Variants in STAG1 observed in about 807,000 individuals in gnomAD.
The protein encoded by STAG1 is STAG1 cohesin complex component.
Under a neutral mutation model 170.9 loss-of-function variants are expected in STAG1, and 26 were observed. The ratio of observed to expected loss-of-function variants is 0.15; its 90% CI spans 0.11 to 0.21. The LOEUF is 0.21. STAG1 is among the 10% of genes least tolerant of loss of function. The pLI is 1.00. For missense variants in STAG1, 964 were observed against 1,509.5 expected (o/e 0.64, Z 5.99); for synonymous variants, 514 against 497.7 (o/e 1.03, Z -0.44).
intron 13 of STAG1, among the ~76,000 whole-genome samples, chr3:136,461,638 T>C (rs2089277471): frequency 6.7e-6 from 1 of 148,872 alleles, no homozygotes; most frequent in Non-Finnish European, 1.5e-5. Context: ...CTTAAGAATA[T>C]TAGTCTGGGT....
chr3:136,493,707 A>T (rs1439849825), intron 9 of STAG1, among the ~76,000 whole-genome samples: 3 of 151,814 alleles, frequency 2.0e-5, no homozygotes, highest in Admixed American at 6.6e-5. Context: ...AACATAAATC[A>T]AGGAAATAAA....
At chr3:136,574,893 AT>A (rs1317697054) in intron 4 of STAG1, among the ~76,000 whole-genome samples, 5 of 152,232 alleles carry the variant, frequency 3.3e-5, no homozygotes, top group Non-Finnish European at 5.9e-5. Context: ...AAACAAGAAT[AT>A]TCACCAAAAT....
chr3:136,597,185 A>G (rs1005204072), intron 4 of STAG1, among the ~76,000 whole-genome samples: 6 of 152,230 alleles, frequency 3.9e-5, no homozygotes, highest in Non-Finnish European at 7.3e-5. Context: ...AAAGCAATGA[A>G]AAAAATATTC....
intron 14 of STAG1, 57 bp from the exon 15 acceptor site, chr3:136,443,461 C>G (rs2088689249): frequency 8.4e-7 from 1 of 1,186,368 alleles, no homozygotes; most frequent in Non-Finnish European, 1.2e-6. Flanking sequence ...ACTACTAATA[C>G]TAATTTGAGT....
intron 9 of STAG1, among the ~76,000 whole-genome samples, chr3:136,494,668 A>T (rs183033261): frequency 1.3e-5 from 2 of 152,316 alleles, no homozygotes; most frequent in African/African-American, 4.8e-5. Context: ...AATATAATAA[A>T]AGAAAAAACC....
At chr3:136,356,648 C>T (rs904154297) in intron 28 of STAG1, among the ~76,000 whole-genome samples, 1 of 152,182 alleles carries the variant, frequency 6.6e-6, no homozygotes, top group African/African-American at 2.4e-5. Context: ...TCCTTACAGG[C>T]GTGAATCACT....
intron 2 of STAG1, among the ~76,000 whole-genome samples, chr3:136,625,794 T>G (rs1940066445): frequency 6.6e-6 from 1 of 152,234 alleles, no homozygotes; most frequent in Non-Finnish European, 1.5e-5. Context: ...TACACACCGC[T>G]GCCAGTAATA....
At chr3:136,751,159 T>TA (rs1295444764) in intron 1 of STAG1, among the ~76,000 whole-genome samples, 9 of 151,290 alleles carry the variant, frequency 5.9e-5, no homozygotes, top group Admixed American at 4.0e-4. Flanking sequence ...AATTTTTTTT[T>TA]ATGACAAATT....
At position 136,367,078 on chromosome 3, in the gene STAG1, A is replaced by G. The variant is rs755162183; in HGVS notation, c.2550T>C (p.Gly850=). ...DQDEENQSME[G]DEEDEANKIE... ...TTTTATTAGCTTCATCTTCTTCATC[A>G]CCCTCTAAACACAGATTACAAATTG... Residue 850 remains glycine, a synonymous_variant, in exon 25 of 34, where the codon GGT becomes GGC. Coordinates refer to ENST00000383202, the MANE Select transcript of STAG1 (RefSeq NM_005862.3). 1.4e-5 allele frequency: 23 copies of G among 1,607,622 alleles called. No individual in the cohort carries two copies. Among genetic ancestry groups the G allele is most frequent in the South Asian group, 1.3e-4 (12 of 90,532 alleles).
chr3:136,354,230 G>C (rs1009423653), intron 28 of STAG1, among the ~76,000 whole-genome samples: 2 of 152,180 alleles, frequency 1.3e-5, no homozygotes, highest in African/African-American at 2.4e-5. Flanking sequence ...AAGGAGGAAG[G>C]AAATGGATTT....
intron 7 of STAG1, among the ~76,000 whole-genome samples, chr3:136,515,122 T>C (rs1428127335): frequency 6.6e-6 from 1 of 152,108 alleles, no homozygotes; most frequent in Non-Finnish European, 1.5e-5. Context: ...CTCAGCGCTT[T>C]GGGAGGCCAA....
chr3:136,606,670 C>T (rs979238445), intron 3 of STAG1, among the ~76,000 whole-genome samples: 1 of 151,720 alleles, frequency 6.6e-6, no homozygotes, highest in Non-Finnish European at 1.5e-5. Flanking sequence ...CTAATAGGTT[C>T]CTCACTGGAA....
At chr3:136,395,344 TG>T (rs2087118691) in intron 22 of STAG1, among the ~76,000 whole-genome samples, 1 of 152,054 alleles carries the variant, frequency 6.6e-6, no homozygotes, top group African/African-American at 2.4e-5. Context: ...AAATTTAGGC[TG>T]GGCACAGTGG....
intron 5 of STAG1, among the ~76,000 whole-genome samples, chr3:136,563,536 ACTCTCTCT>A (rs150795750): frequency 1.5e-5 from 2 of 136,566 alleles, no homozygotes; most frequent in African/African-American, 2.9e-5. Flanking sequence ...GCACGCACAA[ACTCTCTCT>A]CTCTCTCTCT....
chr3:136,679,449 C>T (rs542674303), intron 1 of STAG1, among the ~76,000 whole-genome samples: 52 of 152,174 alleles, frequency 3.4e-4, no homozygotes, highest in Non-Finnish European at 6.2e-4. Flanking sequence ...CCAGCATGGG[C>T]CGGGTGCGGT....
At chr3:136,495,407 G>C (rs923254835) in intron 9 of STAG1, among the ~76,000 whole-genome samples, 1 of 152,088 alleles carries the variant, frequency 6.6e-6, no homozygotes, top group African/African-American at 2.4e-5. Flanking sequence ...GATACCAAAA[G>C]CATGACCACA....
chr3:136,543,781 T>C (rs1297390794), intron 5 of STAG1, among the ~76,000 whole-genome samples: 1 of 152,146 alleles, frequency 6.6e-6, no homozygotes, highest in East Asian at 1.9e-4. Flanking sequence ...TGGGAAACAT[T>C]CAAACAAATA....
intron 18 of STAG1, 68 bp downstream of exon 18, chr3:136,422,698 TAA>T (rs1377005122): frequency 6.6e-7 from 1 of 1,521,270 alleles, no homozygotes; most frequent in Non-Finnish European, 8.9e-7. Flanking sequence ...AACAAGTCTA[TAA>T]GAGTACATGA....
At chr3:136,587,042 TATC>T (rs1937866119) in intron 4 of STAG1, 1 of 358,576 alleles carries the variant, frequency 2.8e-6, no homozygotes, top group South Asian at 2.2e-5. Flanking sequence ...AGAAATTGTC[TATC>T]ATGATAAGCT....
Sources: gnomAD v4.1 joint callset for allele counts (sites outside exome capture counted in the v4.1 genomes callset) on GRCh38, gnomAD v4.1.1 for gene constraint, MANE v1.5 for transcripts, NCBI Gene and HGNC (gene_info 2026-07-23, HGNC 2026-07-21) for gene names.